Variants in PRMT3 observed in about 807,000 individuals in gnomAD.
The protein encoded by PRMT3 is protein arginine methyltransferase 3, also known as protein arginine N-methyltransferase 3.
PRMT3 carries 62 observed loss-of-function variants against 71.9 expected under a neutral mutation model. The observed-to-expected ratio is 0.86, with a 90% CI of 0.70 to 1.07. The LOEUF (loss-of-function observed/expected upper bound fraction) is 1.07. PRMT3 is among the 50% of genes least tolerant of loss of function. The probability of loss-of-function intolerance (pLI) is 0.00; values close to 1 mark genes in which losing one functional copy is unlikely to be tolerated. For missense variants in PRMT3, 663 were observed against 643.0 expected (o/e 1.03, Z -0.34); for synonymous variants, 213 against 220.4 (o/e 0.97, Z 0.30).
chr11:20,466,406 AC>A lies in PRMT3; in HGVS notation c.1347+1864del, dbSNP rs200583443. Among the ~76,000 whole-genome samples, 68 of 152,194 alleles carry A rather than the reference AC, an allele frequency of 4.5e-4. No homozygotes were observed. In the East Asian group the frequency reaches 0.01, roughly 22 times the overall value. On this transcript the variant is annotated intron_variant, in intron 13 of 15. Coordinates refer to ENST00000331079, the MANE Select transcript of PRMT3 (RefSeq NM_005788.4). The stretch of plus-strand genomic sequence containing the variant: ...CACTCCGTGTTAGCCACCACTGACA[AC>A]CCCAGATGAACAAAACCCTTTACTA...
chr11:20,500,037 A>T (rs549447361), intron 15 of PRMT3, among the ~76,000 whole-genome samples: 2 of 152,312 alleles, frequency 1.3e-5, no homozygotes, highest in East Asian at 3.9e-4. Flanking sequence ...TTTTCTTCCA[A>T]TATCCCCCAG....
At chr11:20,483,980 C>T (rs1352896715) in intron 13 of PRMT3, among the ~76,000 whole-genome samples, 1 of 152,200 alleles carries the variant, frequency 6.6e-6, no homozygotes, top group Non-Finnish European at 1.5e-5. Context: ...TAAGTTACAG[C>T]ATCATCATTT....
rs373229120 is a variant in PRMT3, at chr11:20,464,477, G to A, written c.1278G>A (p.Thr426=). The change falls in exon 13 of 16, where the codon ACG becomes ACA. Residue 426 remains threonine, a synonymous_variant. Coordinates refer to ENST00000331079, the MANE Select transcript of PRMT3 (RefSeq NM_005788.4). ...ATGGGTAGCATATAGATTGCCATAC[G>A]ACGTCTATCTCAGATTTGGAATTTT... ...PCGIKHIDCH[T]TSISDLEFSS... The A allele has an allele frequency of 5.4e-5, 87 of 1,608,206 alleles. No individual in the cohort carries two copies. The highest frequency in any genetic ancestry group is 7.0e-5 in the Non-Finnish European group (82 of 1,177,834).
chr11:20,431,308 CT>C lies in PRMT3; in HGVS notation c.993+4444del, dbSNP rs762419364. On this transcript the variant is annotated intron_variant, in intron 10 of 15. Transcript: ENST00000331079. The stretch of plus-strand genomic sequence containing the variant: ...ACCTCCATTCTTGGGCATGTTACCT[CT>C]CTGTGCCTCAGTTTCCTTCTCTATA... 4.3e-4 allele frequency among the ~76,000 whole-genome samples: 66 copies of C among 152,270 alleles called. 1 individual carries two copies. The highest frequency in any genetic ancestry group is 2.2e-3 in the Admixed American group (34 of 15,300).
At chr11:20,484,756 A>G (rs1413658092) in intron 13 of PRMT3, among the ~76,000 whole-genome samples, 2 of 152,200 alleles carry the variant, frequency 1.3e-5, no homozygotes, top group Non-Finnish European at 2.9e-5. Flanking sequence ...GGAAAAAGCA[A>G]TACAGTAAAT....
intron 9 of PRMT3, among the ~76,000 whole-genome samples, chr11:20,416,707 A>G (rs1019505687): frequency 6.6e-6 from 1 of 152,110 alleles, no homozygotes; most frequent in Non-Finnish European, 1.5e-5. Flanking sequence ...AAATGTCCTC[A>G]GTGTTAGTAA....
intron 3 of PRMT3, among the ~76,000 whole-genome samples, chr11:20,391,160 G>A (rs898956192): frequency 2.6e-5 from 4 of 152,150 alleles, no homozygotes; most frequent in East Asian, 3.8e-4. Flanking sequence ...AGATAAATAC[G>A]TGATATCACA....
At chr11:20,432,178 G>A (rs770123215) in intron 10 of PRMT3, among the ~76,000 whole-genome samples, 1 of 152,070 alleles carries the variant, frequency 6.6e-6, no homozygotes. Context: ...AAAAGGTTAA[G>A]TTATTCAGGA....
chr11:20,480,052 G>T (rs1043308899), intron 13 of PRMT3, among the ~76,000 whole-genome samples: 1 of 152,182 alleles, frequency 6.6e-6, no homozygotes, highest in Non-Finnish European at 1.5e-5. Flanking sequence ...AAGGCTGGGC[G>T]CAGTGGTTTA....
chr11:20,415,318 C>G (rs1395197376), intron 9 of PRMT3, among the ~76,000 whole-genome samples: 2 of 152,114 alleles, frequency 1.3e-5, no homozygotes, highest in Non-Finnish European at 2.9e-5. Context: ...ACCCCGAAAT[C>G]CCCTTAATTT....
intron 10 of PRMT3, among the ~76,000 whole-genome samples, chr11:20,434,294 G>C (rs1849717498): frequency 6.6e-6 from 1 of 152,144 alleles, no homozygotes; most frequent in East Asian, 1.9e-4. Context: ...CAGATGCATA[G>C]TTTGCAAATA....
chr11:20,488,904 C>G (rs369225198), intron 13 of PRMT3, among the ~76,000 whole-genome samples: 12 of 152,076 alleles, frequency 7.9e-5, no homozygotes, highest in African/African-American at 2.7e-4. Flanking sequence ...TTTCATGATT[C>G]AGTTTACAAA....
At chr11:20,397,006 A>G (rs576770318) in intron 6 of PRMT3, among the ~76,000 whole-genome samples, 23 of 152,298 alleles carry the variant, frequency 1.5e-4, no homozygotes, top group Admixed American at 6.5e-4. Flanking sequence ...TTTTTATGCT[A>G]GGTAACCAAG....
chr11:20,469,559 A>G (rs1463559954), intron 13 of PRMT3, among the ~76,000 whole-genome samples: 1 of 152,208 alleles, frequency 6.6e-6, no homozygotes, highest in Non-Finnish European at 1.5e-5. Context: ...AGTATCTCTT[A>G]TACAAAATGC....
chr11:20,452,127 C>G lies in PRMT3; in HGVS notation c.994-3C>G. ...ACTCTTTTTTTCCCCTTTTTTTATGCAGGGCTATTTTCTTCTGTTTGAGTC... is the reference window on the plus strand; with the variant it reads ...ACTCTTTTTTTCCCCTTTTTTTATGGAGGGCTATTTTCTTCTGTTTGAGTC... On this transcript the variant is annotated splice_polypyrimidine_tract_variant and splice_region_variant and intron_variant, in intron 10 of 15. Transcript: ENST00000331079. 1 of 1,593,438 alleles carries G rather than the reference C, an allele frequency of 6.3e-7. No homozygotes were observed.
At chr11:20,472,444 A>G (rs1850669344) in intron 13 of PRMT3, among the ~76,000 whole-genome samples, 1 of 152,150 alleles carries the variant, frequency 6.6e-6, no homozygotes, top group Admixed American at 6.5e-5. Context: ...TTCTGCATCT[A>G]TTGAGATAAT....
chr11:20,461,182 T>C (rs1180850339), intron 11 of PRMT3, among the ~76,000 whole-genome samples: 1 of 152,202 alleles, frequency 6.6e-6, no homozygotes, highest in African/African-American at 2.4e-5. Context: ...GGCCATCCCA[T>C]CTATTGTGAC....
At chr11:20,478,764 T>C (rs1165128441) in intron 13 of PRMT3, among the ~76,000 whole-genome samples, 1 of 152,204 alleles carries the variant, frequency 6.6e-6, no homozygotes, top group Non-Finnish European at 1.5e-5. Flanking sequence ...TCTAATGGCT[T>C]AAGAAAAAAC....
chr11:20,504,745 A>AGAGAGAGAGAGAGAGAGAGAGAGAGC (rs1491497481), intron 15 of PRMT3, among the ~76,000 whole-genome samples: 6 of 141,248 alleles, frequency 4.2e-5, no homozygotes, highest in African/African-American at 1.6e-4. Context: ...AGAGAGAGAG[A>AGAGAGAGAGAGAGAGAGAGAGAGAGC]GCGAGAGCGA....
Sources: gnomAD v4.1 joint callset for allele counts (sites outside exome capture counted in the v4.1 genomes callset) on GRCh38, gnomAD v4.1.1 for gene constraint, MANE v1.5 for transcripts, NCBI Gene and HGNC (gene_info 2026-07-23, HGNC 2026-07-21) for gene names.